Variants in ADAMTS3 observed in about 807,000 individuals in gnomAD.
ADAMTS3 encodes the protein ADAM metallopeptidase with thrombospondin type 1 motif 3.
ADAMTS3 carries 73 observed loss-of-function variants against 129.0 expected under a neutral mutation model. The ratio of observed to expected loss-of-function variants is 0.57; its 90% CI spans 0.47 to 0.69. ADAMTS3 has a LOEUF of 0.69. Among genes scored for constraint, ADAMTS3 ranks in the 30% least tolerant of loss-of-function variants. ADAMTS3 has a pLI of 0.00. For synonymous variants in ADAMTS3, 477 were observed against 510.8 expected (o/e 0.93, Z 0.89); for missense variants, 1,457 against 1,514.5 (o/e 0.96, Z 0.63).
intron 5 of ADAMTS3, among the ~76,000 whole-genome samples, chr4:72,335,139 G>A (rs1258061049): frequency 6.6e-6 from 1 of 152,080 alleles, no homozygotes; most frequent in East Asian, 1.9e-4. Flanking sequence ...AATCTTTGAA[G>A]GTATTTGAAA....
intron 3 of ADAMTS3, among the ~76,000 whole-genome samples, chr4:72,467,349 A>G (rs1207434621): frequency 6.6e-6 from 1 of 152,008 alleles, no homozygotes; most frequent in Non-Finnish European, 1.5e-5. Context: ...CACAGTATCT[A>G]TTGCAGTATC....
chr4:72,328,307 T>C (rs1273879945), intron 5 of ADAMTS3, among the ~76,000 whole-genome samples: 1 of 152,224 alleles, frequency 6.6e-6, no homozygotes, highest in Non-Finnish European at 1.5e-5. Flanking sequence ...AAGTATTCCT[T>C]TCCTTGAAAT....
intron 3 of ADAMTS3, among the ~76,000 whole-genome samples, chr4:72,479,274 C>T (rs1199930632): frequency 6.6e-6 from 1 of 152,134 alleles, no homozygotes; most frequent in Non-Finnish European, 1.5e-5. Flanking sequence ...GGAGGCATCA[C>T]ACTACCTGAC....
chr4:72,357,484 T>C (rs886625176), intron 4 of ADAMTS3, among the ~76,000 whole-genome samples: 3 of 151,882 alleles, frequency 2.0e-5, no homozygotes, highest in African/African-American at 7.2e-5. Context: ...GCACAGCTCA[T>C]AGATATAATG....
intron 3 of ADAMTS3, among the ~76,000 whole-genome samples, chr4:72,482,860 G>A (rs1023063807): frequency 6.6e-6 from 1 of 152,012 alleles, no homozygotes; most frequent in Admixed American, 6.6e-5. Flanking sequence ...TTGGAAAATT[G>A]GTCACTGTAA....
At chr4:72,404,315 AACAG>A (rs1000087843) in intron 4 of ADAMTS3, among the ~76,000 whole-genome samples, 35 of 152,046 alleles carry the variant, frequency 2.3e-4, no homozygotes, top group African/African-American at 8.0e-4. Flanking sequence ...TTGGCATAAA[AACAG>A]ACAGACTAAT....
intron 4 of ADAMTS3, among the ~76,000 whole-genome samples, chr4:72,383,979 TA>T (rs1227251042): frequency 2.0e-5 from 3 of 151,674 alleles, no homozygotes; most frequent in Non-Finnish European, 4.4e-5. Context: ...TAAAAATAAC[TA>T]AAAAATACAA....
At position 72,480,847 on chromosome 4, in the gene ADAMTS3, T is replaced by C. The variant is rs1269131525; in HGVS notation, c.505-65876A>G. On this transcript the variant is annotated intron_variant, in intron 3 of 21. Transcript: ENST00000286657. ...CTCATTAAAAAGCTCATAGAAACAATAAGTGAATTTAGCAAGGTAGCATGG... is the reference window on the plus strand; with the variant it reads ...CTCATTAAAAAGCTCATAGAAACAACAAGTGAATTTAGCAAGGTAGCATGG... 3.3e-5 allele frequency among the ~76,000 whole-genome samples: 5 copies of C among 149,566 alleles called. No individual in the cohort carries two copies. The South Asian group carries it at 1.1e-3, about 32-fold the overall frequency.
intron 3 of ADAMTS3, among the ~76,000 whole-genome samples, chr4:72,512,593 G>A (rs926181445): frequency 1.3e-5 from 2 of 152,162 alleles, no homozygotes; most frequent in African/African-American, 2.4e-5. Flanking sequence ...TAACATAACT[G>A]AAAGAGTACA....
chr4:72,526,781 C>CAGAG (rs367563051), intron 3 of ADAMTS3, among the ~76,000 whole-genome samples: 63 of 91,808 alleles, frequency 6.9e-4, no homozygotes, highest in African/African-American at 2.3e-3. Flanking sequence ...TATATATAGA[C>CAGAG]AGAGAGAGAG....
At chr4:72,418,823 C>A (rs984535072) in intron 3 of ADAMTS3, among the ~76,000 whole-genome samples, 3 of 152,254 alleles carry the variant, frequency 2.0e-5, no homozygotes, top group African/African-American at 7.2e-5. Flanking sequence ...AAACTGCACT[C>A]ATTACTTTGG....
At chr4:72,321,058 C>T (rs1719541167) in intron 6 of ADAMTS3, among the ~76,000 whole-genome samples, 188 bp from the exon 7 acceptor site, 1 of 152,164 alleles carries the variant, frequency 6.6e-6, no homozygotes. Flanking sequence ...TAATAATAAT[C>T]AATTTTACCT....
Position 72,283,297 on chromosome 4 carries a change from TG to T in ADAMTS3, c.3456del (p.Thr1153ProfsTer24). On this transcript the variant is annotated frameshift_variant, in exon 22 of 22. Transcript: ENST00000286657. LOFTEE classifies it low-confidence loss of function (END_TRUNC). The part of the protein sequence containing the change: ...VRLVTVPSSP[P>X]TKRVHLSSAS... Reference sequence around the variant, plus strand: ...GCTGAACTGAGGTGGACCCTCTTGGTGGGTGGGGAGGATGGTACGGTGACCA... The same window carrying T: ...GCTGAACTGAGGTGGACCCTCTTGGTGGTGGGGAGGATGGTACGGTGACCA... The T allele has an allele frequency of 1.2e-6, 2 of 1,613,978 alleles. No homozygotes were observed. Among genetic ancestry groups the T allele is most frequent in the Non-Finnish European group, 1.7e-6 (2 of 1,179,926 alleles).
rs77739357 is a variant in ADAMTS3 at position 72,508,496 on chromosome 4, G to A, written c.504+39982C>T. 9.7e-3 allele frequency among the ~76,000 whole-genome samples: 1,481 copies of A among 152,072 alleles called. 34 individuals are homozygous for A. Among genetic ancestry groups the A allele is most frequent in the African/African-American group, 0.032 (1,340 of 41,514 alleles). The stretch of plus-strand genomic sequence containing the variant: ...TTAAATGAGTTTCTGATTTAAATAC[G>A]TTTCATTTCCTTAATAAGTTTTTCC... On this transcript the variant is annotated intron_variant, in intron 3 of 21. Coordinates refer to ENST00000286657, the MANE Select transcript of ADAMTS3 (RefSeq NM_014243.3).
chr4:72,542,459 C>T (rs1191123996), intron 3 of ADAMTS3, among the ~76,000 whole-genome samples: 5 of 152,182 alleles, frequency 3.3e-5, no homozygotes, highest in East Asian at 1.9e-4. Context: ...CCACTGCGCC[C>T]GGCCCCTGTT....
At chr4:72,475,565 G>A (rs188429591) in intron 3 of ADAMTS3, among the ~76,000 whole-genome samples, 312 of 151,942 alleles carry the variant, frequency 2.1e-3, no homozygotes, top group African/African-American at 7.1e-3. Flanking sequence ...ATTACAGTTG[G>A]AGTCTTTAAC....
chr4:72,430,048 A>G (rs944762315), intron 3 of ADAMTS3, among the ~76,000 whole-genome samples: 3 of 152,024 alleles, frequency 2.0e-5, no homozygotes, highest in African/African-American at 7.2e-5. Context: ...TTTGAACCCT[A>G]TTGTGTTGAA....
chr4:72,313,537 G>T, intron 12 of ADAMTS3, 140 bp downstream of exon 12: 1 of 801,004 alleles, frequency 1.2e-6, no homozygotes, highest in Non-Finnish European at 1.9e-6. Flanking sequence ...CAAAAACACA[G>T]ACTGGTTTAT....
At chr4:72,521,515 A>C (rs1720671206) in intron 3 of ADAMTS3, among the ~76,000 whole-genome samples, 1 of 152,214 alleles carries the variant, frequency 6.6e-6, no homozygotes. Context: ...AAACATATAA[A>C]GTATTTAGCA....
Sources: allele counts gnomAD v4.1 joint callset (sites outside exome capture counted in the v4.1 genomes callset), GRCh38; gene constraint gnomAD v4.1.1; transcripts MANE v1.5; gene names NCBI Gene and HGNC (gene_info 2026-07-23, HGNC 2026-07-21).